PLEKHA4: variants seen among roughly 807,000 people sequenced by gnomAD.
The protein encoded by PLEKHA4 is pleckstrin homology domain-containing family A member 4.
In PLEKHA4, 73 loss-of-function variants were observed where a neutral mutation model predicts 94.7. The observed-to-expected ratio is 0.77, with a 90% CI of 0.64 to 0.94. PLEKHA4 has a LOEUF of 0.94. PLEKHA4 is among the 40% of genes least tolerant of loss of function. The pLI is 0.00. For missense variants in PLEKHA4, 1,049 were observed against 1,054.1 expected (o/e 1.00, Z 0.07); for synonymous variants, 449 against 437.1 (o/e 1.03, Z -0.34).
intron 16 of PLEKHA4, among the ~76,000 whole-genome samples, chr19:48,842,396 G>T (rs932001964): frequency 6.6e-6 from 1 of 152,034 alleles, no homozygotes; most frequent in Non-Finnish European, 1.5e-5. Context: ...TGATCCACCT[G>T]CCTCGGCCTC....
At position 48,852,352 on chromosome 19, in the gene PLEKHA4, T is replaced by C. The variant is rs201033049; in HGVS notation, c.1327-26A>G. 69 of 1,559,018 alleles carry C rather than the reference T, an allele frequency of 4.4e-5. 2 individuals are homozygous for C. Among genetic ancestry groups the C allele is most frequent in the Middle Eastern group, 3.4e-4 (2 of 5,970 alleles). ...CTCAGGTTGCATAAAGGGGGAGACA[T>C]AGGTTAGGTCCCTCTCCCACCAGAT... On this transcript the variant is annotated intron_variant, in intron 12 of 19. Transcript: ENST00000263265.
intron 17 of PLEKHA4, among the ~76,000 whole-genome samples, chr19:48,840,232 TGG>T (rs1345362426): frequency 3.3e-5 from 5 of 151,736 alleles, no homozygotes; most frequent in Non-Finnish European, 7.4e-5. Flanking sequence ...CTGGCCAACG[TGG>T]TAAAAATCTG....
intron 6 of PLEKHA4, chr19:48,859,944 C>T (rs1313820590): frequency 1.4e-5 from 8 of 579,978 alleles, no homozygotes; most frequent in Admixed American, 3.3e-5. Flanking sequence ...CAGTTTCCAG[C>T]CTGATAATTG....
At chr19:48,864,758 A>C (rs780435298) in intron 3 of PLEKHA4, among the ~76,000 whole-genome samples, 1 of 151,554 alleles carries the variant, frequency 6.6e-6, no homozygotes, top group Non-Finnish European at 1.5e-5. Flanking sequence ...TGTTGTTGAG[A>C]TGAGGTTTCT....
intron 5 of PLEKHA4, among the ~76,000 whole-genome samples, chr19:48,860,882 AGGAAAGGAAAGGAAAAT>A (rs55829314): frequency 0.12 from 17,508 of 151,616 alleles, 1,425 homozygotes; most frequent in Non-Finnish European, 0.17. Context: ...GAAAAAGGAA[AGGAAAGGAAAGGAAAAT>A]GGAAAGGAAA....
At chr19:48,840,046 C>T (rs77854257) in intron 17 of PLEKHA4, among the ~76,000 whole-genome samples, 2 of 151,378 alleles carry the variant, frequency 1.3e-5, no homozygotes, top group Non-Finnish European at 1.5e-5. Flanking sequence ...AGACAGGGGT[C>T]GCAGTGAGTC....
At chr19:48,852,828 G>A (rs549165341) in intron 12 of PLEKHA4, among the ~76,000 whole-genome samples, 1 of 152,052 alleles carries the variant, frequency 6.6e-6, no homozygotes, top group East Asian at 1.9e-4. Context: ...AGGTATTCGG[G>A]AGGCTGAGGC....
At chr19:48,846,092 G>C (rs1219216077) in intron 14 of PLEKHA4, among the ~76,000 whole-genome samples, 1 of 151,644 alleles carries the variant, frequency 6.6e-6, no homozygotes, top group Non-Finnish European at 1.5e-5. Context: ...GAGAGGCCAA[G>C]GTAGGAGGCT....
intron 13 of PLEKHA4, 76 bp downstream of exon 13, chr19:48,852,152 G>T: frequency 8.5e-7 from 1 of 1,178,996 alleles, no homozygotes; most frequent in Non-Finnish European, 1.3e-6. Flanking sequence ...TGTGGGCGAA[G>T]ATTAAATGCT....
intron 12 of PLEKHA4, among the ~76,000 whole-genome samples, chr19:48,853,144 TTACCAAG>T (rs2036263699): frequency 6.6e-6 from 1 of 152,110 alleles, no homozygotes; most frequent in African/African-American, 2.4e-5. Flanking sequence ...AAGTATTGCT[TTACCAAG>T]TACCAAGTAC....
At chr19:48,839,945 CAA>C (rs111593297) in intron 17 of PLEKHA4, among the ~76,000 whole-genome samples, 3 of 139,546 alleles carry the variant, frequency 2.1e-5, no homozygotes, top group Non-Finnish European at 1.6e-5. Flanking sequence ...ACTAAAAATA[CAA>C]AAAAAAAAAA....
chr19:48,851,479 G>C (rs1220622907), intron 13 of PLEKHA4, among the ~76,000 whole-genome samples: 4 of 151,640 alleles, frequency 2.6e-5, no homozygotes. Context: ...AGCTGGGCGT[G>C]GTGGCGGGCA....
At position 48,846,225 on chromosome 19, in the gene PLEKHA4, A is replaced by C. The variant is rs10402012; in HGVS notation, c.1567-609T>G. On this transcript the variant is annotated intron_variant, in intron 14 of 19. Transcript: ENST00000263265. ...TCCCAGTACTTTGGGAGGCCGAGGC[A>C]GGCGGATCACAAGGTCAGGAGACCA... is the stretch of plus-strand genomic sequence containing the variant. Among the ~76,000 whole-genome samples, 901 of 151,940 alleles carry C rather than the reference A, an allele frequency of 5.9e-3. 9 individuals are homozygous for C. The highest frequency in any genetic ancestry group is 0.02 in the African/African-American group (837 of 41,464).
In PLEKHA4 at chr19:48,858,945, G is replaced by A. The variant is rs754445585; in HGVS notation, c.887C>T (p.Thr296Ile). 3.1e-6 allele frequency: 5 copies of A among 1,598,624 alleles called. No homozygotes were observed. In the Admixed American group the frequency reaches 5.5e-5, roughly 18 times the overall value. Reference protein sequence around the residue: ...PQRQTLSRPPTPRRGPPSEAG... With the variant: ...PQRQTLSRPPIPRRGPPSEAG... ...CTCAGAGGGAGGTCCTCGGCGGGGA[G>A]TAGGGGGTCGGGAGAGGGTCTGGCG... Residue 296 changes from threonine (T) to isoleucine (I), a missense_variant, in exon 8 of 20, where the codon ACT becomes ATT. Transcript: ENST00000263265.
Position 48,837,126 on chromosome 19 carries a change from GAC to G in PLEKHA4, c.*161_*162del. ...AGTTCAAAGTTTTAATCCAAATTTA[GAC>G]AGTGTTGAGAAAACCAAACTTTGGC... is the stretch of plus-strand genomic sequence containing the variant. On this transcript the variant is annotated 3_prime_UTR_variant, in exon 20 of 20. Coordinates refer to ENST00000263265, the MANE Select transcript of PLEKHA4 (RefSeq NM_020904.3). The surrounding 1 kb of genome is among the most constrained non-coding windows in gnomAD (Gnocchi z 4.3). 1.1e-6 allele frequency: 1 copy of G among 885,462 alleles called. No homozygotes were observed. The highest frequency in any genetic ancestry group is 2.3e-4 in the Middle Eastern group (1 of 4,324). 54.9% of individuals were successfully genotyped at this position (885,462 alleles called of 1,614,324 possible).
intron 8 of PLEKHA4, among the ~76,000 whole-genome samples, chr19:48,858,468 A>C (rs985062145): frequency 6.6e-6 from 1 of 151,892 alleles, no homozygotes; most frequent in Non-Finnish European, 1.5e-5. Context: ...CTCTACCAAA[A>C]ATATAAAAAT....
Position 48,837,277 on chromosome 19 carries a change from C to T in PLEKHA4, c.*12G>A, listed in dbSNP as rs892622340. On this transcript the variant is annotated 3_prime_UTR_variant, in exon 20 of 20. Coordinates refer to ENST00000263265, the MANE Select transcript of PLEKHA4 (RefSeq NM_020904.3). This position sits in a 1 kb window ranked among gnomAD's most constrained non-coding sequence, Gnocchi z 4.3. ...GTCCTCGCGCTCCGATTGGCTGCCG[C>T]TTTTGGGCGGATTAGAAGCTGGATT... 1.2e-6 allele frequency: 2 copies of T among 1,613,878 alleles called. No homozygotes were observed. Among genetic ancestry groups the T allele is most frequent in the Non-Finnish European group, 1.7e-6 (2 of 1,179,996 alleles).
At chr19:48,859,710 T>C in intron 6 of PLEKHA4, 26 bp from the exon 7 acceptor site, 1 of 1,594,846 alleles carries the variant, frequency 6.3e-7, no homozygotes, top group Non-Finnish European at 8.6e-7. Context: ...AGACAAGATA[T>C]CACTCCTTCG....
At chr19:48,855,656 G>A (rs1168064397) in intron 9 of PLEKHA4, among the ~76,000 whole-genome samples, 1 of 150,546 alleles carries the variant, frequency 6.6e-6, no homozygotes, top group African/African-American at 2.5e-5. Context: ...GAGCATGGTG[G>A]TACATGCCTG....
Sources: gnomAD v4.1 joint callset for allele counts (sites outside exome capture counted in the v4.1 genomes callset) on GRCh38, gnomAD v4.1.1 for gene constraint, Gnocchi (gnomAD v3.1) non-coding constraint, MANE v1.5 for transcripts, NCBI Gene and HGNC (gene_info 2026-07-23, HGNC 2026-07-21) for gene names.